The following XPC variants were observed in gnomAD, a reference collection of about 807,000 sequenced individuals.
XPC encodes the protein DNA repair protein complementing XP-C cells.
Under a neutral mutation model 95.8 loss-of-function variants are expected in XPC, and 76 were observed. The ratio of observed to expected loss-of-function variants is 0.79; its 90% CI spans 0.66 to 0.96. The LOEUF is 0.96. Ranked by LOEUF, XPC falls within the 40% of genes least tolerant of loss-of-function variation. XPC has a pLI of 0.00. For missense variants in XPC, 1,146 were observed against 1,179.8 expected (o/e 0.97, Z 0.42); for synonymous variants, 442 against 442.1 (o/e 1.00, Z 0.00).
At position 14,178,575 on chromosome 3, in the gene XPC, T is replaced by C. The variant is rs750378224; in HGVS notation, c.-7A>G. 5.2e-5 allele frequency: 84 copies of C among 1,612,470 alleles called. No homozygotes were observed. Among genetic ancestry groups the C allele is most frequent in the South Asian group, 4.8e-4 (44 of 91,062 alleles). ...CCGCGCGTTTCCGAGCCATGTTGCT[T>C]GTCTGGGCAAATTCCACTTCGCGAG... On this transcript the variant is annotated 5_prime_UTR_variant, in exon 1 of 16. Transcript: ENST00000285021.
intron 1 of XPC, among the ~76,000 whole-genome samples, chr3:14,176,520 C>G (rs1232669602): frequency 6.6e-6 from 1 of 152,212 alleles, no homozygotes; most frequent in African/African-American, 2.4e-5. Flanking sequence ...ATGTTTATCT[C>G]TCATGTCACC....
At position 14,158,084 on chromosome 3, in the gene XPC, G is replaced by T; in HGVS notation, c.1799C>A (p.Ala600Asp). Reference protein sequence around the residue: ...MTVTRKCRVDAEWWAETLRPY... With the variant: ...MTVTRKCRVDDEWWAETLRPY... Reference sequence around the variant, plus strand: ...TCTCAAGGTCTCGGCCCACCACTCAGCATCAACCCGGCACTTGCGGGTCAC... The same window carrying T: ...TCTCAAGGTCTCGGCCCACCACTCATCATCAACCCGGCACTTGCGGGTCAC... The change falls in exon 9 of 16, where the codon GCT becomes GAT. Residue 600 changes from alanine to aspartate, a missense_variant. Coordinates refer to ENST00000285021, the MANE Select transcript of XPC (RefSeq NM_004628.5). This position sits in a 1 kb window ranked among gnomAD's most constrained non-coding sequence, Gnocchi z 5.2. The T allele has an allele frequency of 6.2e-7, 1 of 1,613,936 alleles. No individual in the cohort carries two copies. The highest frequency in any genetic ancestry group is 8.5e-7 in the Non-Finnish European group (1 of 1,179,864).
rs2125053616 is a variant in XPC, at chr3:14,178,559, T to C, written c.10A>G (p.Lys4Glu). 1.2e-6 allele frequency: 2 copies of C among 1,612,628 alleles called. No individual in the cohort carries two copies. The highest frequency in any genetic ancestry group is 1.7e-6 in the Non-Finnish European group (2 of 1,179,174). The change falls in exon 1 of 16, where the codon AAA becomes GAA. Residue 4 changes from lysine to glutamate, a missense_variant. By Grantham distance (56) the Lys-to-Glu change is moderately conservative. Transcript: ENST00000285021. ...CGCGGCTCCCCGCCGGCCGCGCGTT[T>C]CCGAGCCATGTTGCTTGTCTGGGCA... MAR[K>E]RAAGGEPRGR...
At chr3:14,151,260 CTCA>C (rs1348144868) in intron 11 of XPC, 1 of 152,154 alleles carries the variant, frequency 6.6e-6, no homozygotes, top group Non-Finnish European at 1.5e-5. Context: ...ATTTAAATAT[CTCA>C]TCAACACTTT....
chr3:14,176,327 A>G (rs1696813739), intron 1 of XPC, among the ~76,000 whole-genome samples: 1 of 152,182 alleles, frequency 6.6e-6, no homozygotes, highest in African/African-American at 2.4e-5. Flanking sequence ...TAAAATACCA[A>G]CCATCCTTTA....
At chr3:14,165,685 T>C (rs1309355944) in intron 5 of XPC, 100 bp from the exon 6 acceptor site, 6 of 1,396,994 alleles carry the variant, frequency 4.3e-6, no homozygotes, top group East Asian at 2.4e-5. Flanking sequence ...ACAAGAAATA[T>C]GTGTTGCCAT....
intron 2 of XPC, 31 bp from the exon 3 acceptor site, chr3:14,170,581 G>A: frequency 6.5e-7 from 1 of 1,528,826 alleles, no homozygotes; most frequent in Non-Finnish European, 8.9e-7. Context: ...GGAAGATGAA[G>A]AAGACTCAGA....
At chr3:14,173,598 C>G (rs953627811) in intron 1 of XPC, among the ~76,000 whole-genome samples, 3 of 152,192 alleles carry the variant, frequency 2.0e-5, no homozygotes, top group Non-Finnish European at 2.9e-5. Context: ...ATATACCAAC[C>G]ACCTCAGCAA....
rs373671109 is a variant in XPC, at chr3:14,158,331, C to T, written c.1552G>A (p.Glu518Lys). The change falls in exon 9 of 16, where the codon GAG (glutamate) becomes AAG (lysine). Residue 518 changes from glutamate to lysine, a missense_variant. Transcript: ENST00000285021. The surrounding 1 kb of genome is among the most constrained non-coding windows in gnomAD (Gnocchi z 5.2). ...GCTATGCTTCTTTTTTCTGCCTTCT[C>T]ACCATCGCTGCACATTTTCTTGCCT... ...KRGKKMCSDG[E>K]KAEKRSIAGI... The T allele has an allele frequency of 2.1e-5, 34 of 1,613,892 alleles. No homozygotes were observed. The African/African-American group carries it at 4.3e-4, about 20-fold the overall frequency.
chr3:14,146,258 CTG>C, intron 15 of XPC, 99 bp from the exon 16 acceptor site: 1 of 1,112,608 alleles, frequency 9.0e-7, no homozygotes, highest in Non-Finnish European at 1.3e-6. Flanking sequence ...CTGCCCTAAG[CTG>C]TGTAACTCTG....
intron 11 of XPC, 144 bp downstream of exon 11, chr3:14,152,191 G>C: frequency 3.2e-6 from 2 of 628,188 alleles, no homozygotes; most frequent in African/African-American, 1.9e-5. Context: ...CTTGAATCCT[G>C]CTCAAGCCGG....
chr3:14,168,088 G>A (rs1206603866), intron 4 of XPC, among the ~76,000 whole-genome samples, 169 bp downstream of exon 4: 5 of 152,298 alleles, frequency 3.3e-5, no homozygotes, highest in Admixed American at 6.5e-5. Flanking sequence ...GCCAGGACAC[G>A]AAGGTGTCTC....
Position 14,158,536 on chromosome 3 carries a change from A to C in XPC, c.1347T>G (p.Ser449Arg). The C allele has an allele frequency of 6.2e-7, 1 of 1,613,350 alleles. No individual in the cohort carries two copies. The highest frequency in any genetic ancestry group is 2.2e-5 in the East Asian group (1 of 44,818). The change falls in exon 9 of 16, where the codon AGT becomes AGG. Residue 449 changes from serine (S) to arginine (R), a missense_variant. Transcript: ENST00000285021. The surrounding 1 kb of genome is among the most constrained non-coding windows in gnomAD (Gnocchi z 5.2). ...AGSGSDFELS[S>R]GEASDPSDED... The stretch of plus-strand genomic sequence containing the variant: ...CATCAGAGGGATCAGAGGCTTCTCC[A>C]CTGGAGAGCTCAAAATCAGAGCCGC...
intron 11 of XPC, chr3:14,150,000 A>T (rs1167360710): frequency 1.3e-5 from 2 of 152,286 alleles, no homozygotes; most frequent in African/African-American, 4.8e-5. Flanking sequence ...GATGGCTGGT[A>T]AGTGACAAGA....
chr3:14,159,225 G>A (rs1305113013), intron 8 of XPC, among the ~76,000 whole-genome samples: 4 of 152,130 alleles, frequency 2.6e-5, no homozygotes, highest in African/African-American at 4.8e-5. Flanking sequence ...CTTAACCTCC[G>A]AGTTTCAGTT....
At position 14,145,772 on chromosome 3, in the gene XPC, T is replaced by A. The variant is rs1282394082; in HGVS notation, c.*169A>T. The stretch of plus-strand genomic sequence containing the variant: ...GGAGCCAGACGGGACCTGCAGCACC[T>A]CCTCAGCTTGGCCTCGTCTCCCCTG... On this transcript the variant is annotated 3_prime_UTR_variant, in exon 16 of 16. Coordinates refer to ENST00000285021, the MANE Select transcript of XPC (RefSeq NM_004628.5). 1.2e-6 allele frequency: 1 copy of A among 809,620 alleles called. No individual in the cohort carries two copies. Among genetic ancestry groups the A allele is most frequent in the Non-Finnish European group, 2.1e-6 (1 of 484,518 alleles). 50.2% of individuals were successfully genotyped at this position (809,620 alleles called of 1,614,324 possible).
In XPC at chr3:14,158,103, G is replaced by A. The variant is rs183238369; in HGVS notation, c.1780C>T (p.Arg594Cys). 366 of 1,613,868 alleles carry A rather than the reference G, an allele frequency of 2.3e-4. 1 individual carries two copies. In the African/African-American group the frequency reaches 4.3e-3, roughly 19 times the overall value. ...RYDPVWMTVT[R>C]KCRVDAEWWA... ...CACTCAGCATCAACCCGGCACTTGC[G>A]GGTCACTGTCATCCAGACTGGGTCG... Residue 594 changes from arginine to cysteine, a missense_variant, in exon 9 of 16, where the codon CGC (arginine) becomes TGC (cysteine). Coordinates refer to ENST00000285021, the MANE Select transcript of XPC (RefSeq NM_004628.5). The surrounding 1 kb of genome is among the most constrained non-coding windows in gnomAD (Gnocchi z 5.2).
At chr3:14,149,272 C>CG (rs1695587408) in intron 11 of XPC, among the ~76,000 whole-genome samples, 1 of 151,548 alleles carries the variant, frequency 6.6e-6, no homozygotes, top group Non-Finnish European at 1.5e-5. Context: ...TTAGTAGAGA[C>CG]GGGGGTTTCA....
intron 5 of XPC, 147 bp from the exon 6 acceptor site, chr3:14,165,732 C>T: frequency 1.1e-6 from 1 of 898,080 alleles, no homozygotes; most frequent in Non-Finnish European, 1.7e-6. Context: ...TAGCATTGGC[C>T]ACTTCCCAAG....
Sources: allele counts gnomAD v4.1 joint callset (sites outside exome capture counted in the v4.1 genomes callset), GRCh38; gene constraint gnomAD v4.1.1; non-coding constraint Gnocchi (gnomAD v3.1); transcripts MANE v1.5; gene names NCBI Gene and HGNC (gene_info 2026-07-23, HGNC 2026-07-21).